The following OR51A7 variants were observed in gnomAD, a reference collection of about 807,000 sequenced individuals.
OR51A7 encodes olfactory receptor family 51 subfamily A member 7.
For missense variants in OR51A7, 409 were observed against 374.5 expected (o/e 1.09, Z -0.76); for synonymous variants, 143 against 135.5 (o/e 1.05, Z -0.38).
rs371757115 is a variant in OR51A7 at position 4,908,481 on chromosome 11, AG to A, written c.*174del. The A allele has an allele frequency of 2.8e-4, 184 of 656,780 alleles. 1 individual carries two copies. Among genetic ancestry groups the A allele is most frequent in the Middle Eastern group, 4.0e-4 (1 of 2,484 alleles). 40.7% of individuals were successfully genotyped at this position (656,780 alleles called of 1,614,324 possible). On this transcript the variant is annotated 3_prime_UTR_variant, in exon 2 of 2. Transcript: ENST00000641490. ...TATAACTGAACAGGATAGAAAAAAA[AG>A]TCAAGAGATATATAAGATATAGAGG...
rs199813184 is a variant in OR51A7 at position 4,907,764 on chromosome 11, A to G, written c.395A>G (p.Tyr132Cys). 2.5e-6 allele frequency: 4 copies of G among 1,614,142 alleles called. No individual in the cohort carries two copies. Among genetic ancestry groups the G allele is most frequent in the South Asian group, 1.1e-5 (1 of 91,086 alleles). Residue 132 changes from tyrosine (Y) to cysteine (C), a missense_variant, in exon 2 of 2, where the codon TAC (tyrosine) becomes TGC (cysteine). Physicochemically the swap from Tyr to Cys is radical, Grantham distance 194. Coordinates refer to ENST00000641490, the MANE Select transcript of OR51A7 (RefSeq NM_001004749.2). ...RFLAIHNPLR[Y>C]SSILTSNRVA... ...CTTGCCATTCACAATCCCTTAAGAT[A>G]CAGTTCTATCCTCACTAGCAACAGG...
Position 4,907,684 on chromosome 11 carries a change from T to A in OR51A7, c.315T>A (p.His105Gln). 6.2e-7 allele frequency: 1 copy of A among 1,614,048 alleles called. No homozygotes were observed. The highest frequency in any genetic ancestry group is 8.5e-7 in the Non-Finnish European group (1 of 1,179,942). The change falls in exon 2 of 2, where the codon CAT becomes CAA. Residue 105 changes from histidine (H) to glutamine (Q), a missense_variant. Coordinates refer to ENST00000641490, the MANE Select transcript of OR51A7 (RefSeq NM_001004749.2). Reference protein sequence around the residue: ...NACFAQEFFIHGFTVMESSVL... With the variant: ...NACFAQEFFIQGFTVMESSVL... Reference sequence around the variant, plus strand: ...GCTTTGCTCAAGAATTCTTCATTCATGGATTCACTGTCATGGAATCCTCAG... The same window carrying A: ...GCTTTGCTCAAGAATTCTTCATTCAAGGATTCACTGTCATGGAATCCTCAG...
Position 4,907,447 on chromosome 11 carries a change from G to A in OR51A7, c.78G>A (p.Trp26Ter). The change falls in exon 2 of 2, where the codon TGG (tryptophan) becomes TGA (stop). Residue 26 changes from tryptophan (W) to a stop codon, truncating the protein, a stop_gained. Transcript: ENST00000641490. LOFTEE classifies it low-confidence loss of function (END_TRUNC). ...GIPGLEHAHI[W>*]FSIPICLMYL... Reference sequence around the variant, plus strand: ...CAGGACTGGAACATGCCCACATTTGGTTCTCCATCCCCATTTGCCTCATGT... The same window carrying A: ...CAGGACTGGAACATGCCCACATTTGATTCTCCATCCCCATTTGCCTCATGT... The A allele has an allele frequency of 5.0e-6, 8 of 1,613,888 alleles. No individual in the cohort carries two copies. The highest frequency in any genetic ancestry group is 6.8e-6 in the Non-Finnish European group (8 of 1,179,970).
rs2133567595 is a variant in OR51A7 at position 4,908,699 on chromosome 11, G to C, written c.*391G>C. On this transcript the variant is annotated 3_prime_UTR_variant, in exon 2 of 2. Coordinates refer to ENST00000641490, the MANE Select transcript of OR51A7 (RefSeq NM_001004749.2). ...CAAGGAAAGGTAAAATAGCTATGAA[G>C]GATGCTGATCTGATTACAATAGAAA... 1 of 263,252 alleles carries C rather than the reference G, an allele frequency of 3.8e-6. No individual in the cohort carries two copies. 16.3% of individuals were successfully genotyped at this position (263,252 alleles called of 1,614,324 possible).
At position 4,908,305 on chromosome 11, in the gene OR51A7, A is replaced by G. The variant is rs747761605; in HGVS notation, c.936A>G (p.Arg312=). Reference sequence around the variant, plus strand: ...GGAAGTTGCTTAATGTATGTGGGAGATAAGAACTTGAACAATTAGGTAATA... The same window carrying G: ...GGAAGTTGCTTAATGTATGTGGGAGGTAAGAACTTGAACAATTAGGTAATA... The part of the protein sequence containing the change: ...ILGKLLNVCG[R] The change falls in exon 2 of 2, where the codon AGA becomes AGG. Residue 312 remains arginine, a synonymous_variant. Transcript: ENST00000641490. The G allele has an allele frequency of 4.3e-5, 70 of 1,612,998 alleles. No individual in the cohort carries two copies. Among genetic ancestry groups the G allele is most frequent in the Non-Finnish European group, 5.1e-5 (60 of 1,179,166 alleles).
intron 1 of OR51A7, among the ~76,000 whole-genome samples, chr11:4,904,068 T>G (rs1160410737): frequency 6.6e-6 from 1 of 152,104 alleles, no homozygotes; most frequent in Admixed American, 6.5e-5. Context: ...AAATATAAAT[T>G]ACTCTTGTCC....
In OR51A7 at chr11:4,908,391, T is replaced by A; in HGVS notation, c.*83T>A. 8.7e-7 allele frequency: 1 copy of A among 1,144,786 alleles called. No homozygotes were observed. Among genetic ancestry groups the A allele is most frequent in the Non-Finnish European group, 1.3e-6 (1 of 766,980 alleles). The allele number at this position is 1,144,786 out of a possible 1,614,324, so 70.9% of individuals were successfully genotyped here. On this transcript the variant is annotated 3_prime_UTR_variant, in exon 2 of 2. Transcript: ENST00000641490. Reference sequence around the variant, plus strand: ...ATGTGCTTAATGCCATAGAAGTCACTAATGAAGGACTGGATGATGGAAGTG... The same window carrying A: ...ATGTGCTTAATGCCATAGAAGTCACAAATGAAGGACTGGATGATGGAAGTG...
rs752293085 is a variant in OR51A7 at position 4,908,148 on chromosome 11, T to C, written c.779T>C (p.Met260Thr). 3.1e-6 allele frequency: 5 copies of C among 1,614,186 alleles called. No individual in the cohort carries two copies. In the South Asian group the frequency reaches 4.4e-5, roughly 14 times the overall value. Residue 260 changes from methionine to threonine, a missense_variant, in exon 2 of 2, where the codon ATG (methionine) becomes ACG (threonine). Transcript: ENST00000641490. ...GTGCCCATCATCACCCTGGCTGCCA[T>C]GCATCACTTTGCCAAGCACAAAAGC... ...FYVPIITLAA[M>T]HHFAKHKSPL...
chr11:4,904,086 G>A (rs1198843767), intron 1 of OR51A7, among the ~76,000 whole-genome samples: 1 of 152,022 alleles, frequency 6.6e-6, no homozygotes, highest in Non-Finnish European at 1.5e-5. Context: ...TCCAATCTAG[G>A]ACTTGATGTC....
Position 4,907,752 on chromosome 11 carries a change from A to G in OR51A7, c.383A>G (p.Asn128Ser), listed in dbSNP as rs1269165408. 4 of 1,613,894 alleles carry G rather than the reference A, an allele frequency of 2.5e-6. No individual in the cohort carries two copies. The highest frequency in any genetic ancestry group is 1.1e-5 in the South Asian group (1 of 91,084). Reference sequence around the variant, plus strand: ...TTGGACCGCTTTCTTGCCATTCACAATCCCTTAAGATACAGTTCTATCCTC... The same window carrying G: ...TTGGACCGCTTTCTTGCCATTCACAGTCCCTTAAGATACAGTTCTATCCTC... ...MSLDRFLAIH[N>S]PLRYSSILTS... Residue 128 changes from asparagine (N) to serine (S), a missense_variant, in exon 2 of 2, where the codon AAT becomes AGT. Asn to Ser is a conservative substitution (Grantham distance 46, BLOSUM62 1). Transcript: ENST00000641490.
chr11:4,904,373 G>C lies in OR51A7; in HGVS notation c.-32+529G>C, dbSNP rs539166129. 5.9e-5 allele frequency among the ~76,000 whole-genome samples: 9 copies of C among 152,120 alleles called. No homozygotes were observed. The South Asian group carries it at 1.9e-3, about 32-fold the overall frequency. On this transcript the variant is annotated intron_variant, in intron 1 of 1. Transcript: ENST00000641490. ...AAAGAATAGCAATTCTAAGTGGTAT[G>C]GGAAATATTTTACCTGAGGACTGCC...
chr11:4,904,096 CT>C (rs1262445678), intron 1 of OR51A7, among the ~76,000 whole-genome samples: 2 of 152,074 alleles, frequency 1.3e-5, no homozygotes, highest in African/African-American at 4.8e-5. Context: ...GACTTGATGT[CT>C]GGAAGGAAAA....
At chr11:4,906,584 C>T (rs1850892611) in intron 1 of OR51A7, among the ~76,000 whole-genome samples, 1 of 152,090 alleles carries the variant, frequency 6.6e-6, no homozygotes, top group Admixed American at 6.5e-5. Context: ...CATCTAATGA[C>T]TTAATGTTTT....
Position 4,907,540 on chromosome 11 carries a change from GC to G in OR51A7, c.174del (p.Met59CysfsTer24). ...IIKTEPSLHEPMYYFLAMLAV... is the reference protein window; with the variant it reads ...IIKTEPSLHEXMYYFLAMLAV... ...TAAAGACAGAGCCCTCGCTTCATGA[GC>G]CCATGTATTATTTCCTTGCCATGTT... On this transcript the variant is annotated frameshift_variant, in exon 2 of 2. Coordinates refer to ENST00000641490, the MANE Select transcript of OR51A7 (RefSeq NM_001004749.2). LOFTEE classifies it low-confidence loss of function (END_TRUNC). 1 of 1,614,014 alleles carries G rather than the reference GC, an allele frequency of 6.2e-7. No individual in the cohort carries two copies. The highest frequency in any genetic ancestry group is 1.1e-5 in the South Asian group (1 of 91,060).
intron 1 of OR51A7, among the ~76,000 whole-genome samples, chr11:4,906,056 A>C (rs1850883460): frequency 6.6e-6 from 1 of 152,216 alleles, no homozygotes; most frequent in Non-Finnish European, 1.5e-5. Context: ...AAGATGGATA[A>C]GATTAACATG....
chr11:4,904,896 AC>A (rs2133562517), intron 1 of OR51A7, among the ~76,000 whole-genome samples: 1 of 152,182 alleles, frequency 6.6e-6, no homozygotes, highest in East Asian at 1.9e-4. Context: ...GATAAATAAA[AC>A]CTTTTTATAC....
At position 4,908,284 on chromosome 11, in the gene OR51A7, G is replaced by C; in HGVS notation, c.915G>C (p.Lys305Asn). ...TRQIWEKILG[K>N]LLNVCGR is the part of the protein sequence containing the mutation. ...AAATCTGGGAGAAGATCTTGGGGAA[G>C]TTGCTTAATGTATGTGGGAGATAAG... The change falls in exon 2 of 2, where the codon AAG becomes AAC. Residue 305 changes from lysine to asparagine, a missense_variant. Physicochemically the swap from Lys to Asn is moderately conservative, Grantham distance 94. Transcript: ENST00000641490. The C allele has an allele frequency of 1.9e-6, 3 of 1,614,052 alleles. No individual in the cohort carries two copies. Among genetic ancestry groups the C allele is most frequent in the Non-Finnish European group, 2.5e-6 (3 of 1,179,982 alleles).
At position 4,907,931 on chromosome 11, in the gene OR51A7, G is replaced by A. The variant is rs771304599; in HGVS notation, c.562G>A (p.Ala188Thr). Reference sequence around the variant, plus strand: ...TCTTCATCAGGATACCATGAAGCTGGCCTGCTCTGACAACAAGACCAATGT... The same window carrying A: ...TCTTCATCAGGATACCATGAAGCTGACCTGCTCTGACAACAAGACCAATGT... ...YCLHQDTMKL[A>T]CSDNKTNVIY... Residue 188 changes from alanine to threonine, a missense_variant, in exon 2 of 2, where the codon GCC becomes ACC. Coordinates refer to ENST00000641490, the MANE Select transcript of OR51A7 (RefSeq NM_001004749.2). The A allele has an allele frequency of 6.2e-7, 1 of 1,613,914 alleles. No individual in the cohort carries two copies. Among genetic ancestry groups the A allele is most frequent in the Non-Finnish European group, 8.5e-7 (1 of 1,180,004 alleles).
chr11:4,907,134 G>A (rs1018067719), intron 1 of OR51A7, among the ~76,000 whole-genome samples: 6 of 98,990 alleles, frequency 6.1e-5, no homozygotes, highest in Admixed American at 1.9e-4. Flanking sequence ...ATCCTAAAAA[G>A]TCACCAACTT....
Sources: gnomAD v4.1 joint callset for allele counts (sites outside exome capture counted in the v4.1 genomes callset) on GRCh38, gnomAD v4.1.1 for gene constraint, MANE v1.5 for transcripts, NCBI Gene and HGNC (gene_info 2026-07-23, HGNC 2026-07-21) for gene names.